Variants in AKR1C2 observed in about 807,000 individuals in gnomAD.
AKR1C2 encodes the protein aldo-keto reductase family 1 member C2.
A neutral mutation model predicts 39.8 loss-of-function variants in AKR1C2; 27 were observed. The ratio of observed to expected loss-of-function variants is 0.68; its 90% CI spans 0.50 to 0.93. The LOEUF (loss-of-function observed/expected upper bound fraction) is 0.93, where lower values mean the gene tolerates loss of function less well. AKR1C2 is among the 40% of genes least tolerant of loss of function. AKR1C2 has a pLI of 0.00. For synonymous variants in AKR1C2, 114 were observed against 137.9 expected, an observed-to-expected ratio of 0.83 and a Z score of 1.22; for missense variants, 263 against 365.1, an observed-to-expected ratio of 0.72 and a Z score of 2.28.
chr10:5,006,841 C>T (rs1464225054), upstream of AKR1C2, among the ~76,000 whole-genome samples: 1 of 150,656 alleles, frequency 6.6e-6, no homozygotes, highest in Non-Finnish European at 1.5e-5. Context: ...AGTGGTACAT[C>T]TCAGCTCACT....
upstream of AKR1C2, chr10:5,004,917 T>G (rs1837367771): frequency 6.8e-6 from 1 of 146,100 alleles, no homozygotes; most frequent in Non-Finnish European, 1.5e-5. Context: ...TATAAAGATA[T>G]TGAAATTTTT....
upstream of AKR1C2, among the ~76,000 whole-genome samples, chr10:5,008,931 A>G (rs147634490): frequency 3.1e-3 from 470 of 152,336 alleles, 1 homozygote; most frequent in African/African-American, 0.011. Flanking sequence ...TTCTATGTGA[A>G]CAAAAAGGGG....
At chr10:4,997,107 A>G (rs1837078763) in intron 5 of AKR1C2, 1 of 152,200 alleles carries the variant, frequency 6.6e-6, no homozygotes, top group Non-Finnish European at 1.5e-5. Context: ...CTTCACCACT[A>G]GTGGGGCATT....
chr10:4,990,458 T>A (rs1362710612), intron 8 of AKR1C2, among the ~76,000 whole-genome samples: 1 of 152,266 alleles, frequency 6.6e-6, no homozygotes, highest in Non-Finnish European at 1.5e-5. Context: ...TTGAGTGTGA[T>A]AATTATACTG....
chr10:5,010,525 C>T (rs1837498009), intron 1 of AKR1C2: 1 of 152,054 alleles, frequency 6.6e-6, no homozygotes, highest in South Asian at 2.1e-4. Context: ...GGACAAGAGC[C>T]ACTTGAAGAA....
At chr10:5,006,446 A>G (rs1377143401), upstream of AKR1C2, 18 of 152,292 alleles carry the variant, frequency 1.2e-4, no homozygotes, top group African/African-American at 4.3e-4. Flanking sequence ...TACTAAAAAT[A>G]GAAAAAATTA....
intron 5 of AKR1C2, among the ~76,000 whole-genome samples, chr10:4,996,348 A>C (rs184937102): frequency 6.6e-6 from 1 of 151,658 alleles, no homozygotes; most frequent in Non-Finnish European, 1.5e-5. Flanking sequence ...ATATAGATGA[A>C]CTAGAAAATA....
At chr10:5,012,631 A>G (rs115770584) in intron 1 of AKR1C2, among the ~76,000 whole-genome samples, 9,384 of 152,040 alleles carry the variant, frequency 0.062, 440 homozygotes, top group African/African-American at 0.13. Context: ...CCCTCAAGAA[A>G]AAATACAACC....
At position 4,989,757 on chromosome 10, in the gene AKR1C2, G is replaced by T. The variant is rs1554771913; in HGVS notation, c.*239C>A. On this transcript the variant is annotated 3_prime_UTR_variant, in exon 9 of 9. Coordinates refer to ENST00000380753, the MANE Select transcript of AKR1C2 (RefSeq NM_001393392.1). ...TGTCAGAAGGAGAGAAAACATAGAA[G>T]TTATGGAGACCAAAGTAGGTGAAGA... is the stretch of plus-strand genomic sequence containing the variant. The T allele has an allele frequency of 1.7e-6, 1 of 585,196 alleles. No homozygotes were observed. The highest frequency in any genetic ancestry group is 3.3e-5 in the East Asian group (1 of 30,434). 36.3% of individuals were successfully genotyped at this position (585,196 alleles called of 1,614,324 possible).
Position 4,997,970 on chromosome 10 carries a change from G to A in AKR1C2, c.570+655C>T, listed in dbSNP as rs553031077. Among the ~76,000 whole-genome samples the A allele has an allele frequency of 8.6e-5, 13 of 151,942 alleles. No homozygotes were observed. In the South Asian group the frequency reaches 2.1e-3, roughly 24 times the overall value. On this transcript the variant is annotated intron_variant, in intron 5 of 8. Coordinates refer to ENST00000380753, the MANE Select transcript of AKR1C2 (RefSeq NM_001393392.1). ...GCATGACAGACTCCAAAAAGCAGCC[G>A]ACTAGGAGCGGGGCAGTCATAGGTC...
intron 8 of AKR1C2, among the ~76,000 whole-genome samples, chr10:4,991,329 G>T (rs1359412394): frequency 6.6e-6 from 1 of 152,002 alleles, no homozygotes; most frequent in Non-Finnish European, 1.5e-5. Context: ...GGTTTGAAAT[G>T]ATTAAAAATG....
intron 8 of AKR1C2, among the ~76,000 whole-genome samples, chr10:4,990,704 T>C (rs1289059762): frequency 1.3e-5 from 2 of 152,052 alleles, no homozygotes; most frequent in Admixed American, 6.6e-5. Flanking sequence ...ATTGAGCCTA[T>C]CCTTTGTGAT....
At position 4,988,412 on chromosome 10, in the gene AKR1C2, G is replaced by A. The variant is rs185209880; in HGVS notation, c.*1584C>T. The A allele has an allele frequency of 1.2e-3, 156 of 135,422 alleles. No individual in the cohort carries two copies. The highest frequency in any genetic ancestry group is 3.9e-3 in the African/African-American group (151 of 38,506). The allele number at this position is 135,422 out of a possible 1,614,324, so 8.4% of individuals were successfully genotyped here. A position where few individuals can be genotyped will look rare whatever the true frequency, so the allele number is the denominator to read the frequency against. ...TTCCATTGAAGATTTGGAGGAAAAC[G>A]CTGAGCTAGAAATATTTTTTGGTGG... is the stretch of plus-strand genomic sequence containing the variant. On this transcript the variant is annotated 3_prime_UTR_variant, in exon 9 of 9. Transcript: ENST00000380753.
Position 4,999,454 on chromosome 10 carries a change from A to T in AKR1C2, c.370-177T>A. 2.1e-6 allele frequency: 3 copies of T among 1,415,286 alleles called. No individual in the cohort carries two copies. The South Asian group carries it at 4.2e-5, about 20-fold the overall frequency. The allele number at this position is 1,415,286 out of a possible 1,614,324, so 87.7% of individuals were successfully genotyped here. ...GGTATAAGGAATGTCTTCAGGTGACAGGCTTCCTCTAATCTCTTACACCTA... is the reference window on the plus strand; with the variant it reads ...GGTATAAGGAATGTCTTCAGGTGACTGGCTTCCTCTAATCTCTTACACCTA... On this transcript the variant is annotated intron_variant, in intron 3 of 8. Transcript: ENST00000380753.
chr10:4,998,735 A>G lies in AKR1C2; in HGVS notation c.460T>C (p.Cys154Arg). ...LCATWEAMEK[C>R]KDAGLAKSIG... Reference sequence around the variant, plus strand: ...GACTTGGCCAATCCTGCATCTTTACACTTCTCCATGGCCTGGGAAAAAGGA... The same window carrying G: ...GACTTGGCCAATCCTGCATCTTTACGCTTCTCCATGGCCTGGGAAAAAGGA... The change falls in exon 5 of 9, where the codon TGT (cysteine) becomes CGT (arginine). Residue 154 changes from cysteine (C) to arginine (R), a missense_variant. Cys to Arg is a radical substitution (Grantham distance 180, BLOSUM62 -3). Transcript: ENST00000380753. The G allele has an allele frequency of 6.2e-7, 1 of 1,614,090 alleles. No individual in the cohort carries two copies. Among genetic ancestry groups the G allele is most frequent in the Admixed American group, 1.7e-5 (1 of 60,018 alleles).
At chr10:5,012,972 C>T (rs1837553544) in intron 1 of AKR1C2, among the ~76,000 whole-genome samples, 1 of 152,322 alleles carries the variant, frequency 6.6e-6, no homozygotes, top group South Asian at 2.1e-4. Flanking sequence ...ATACCTTCTA[C>T]ACTTCTGTAT....
intron 1 of AKR1C2, among the ~76,000 whole-genome samples, chr10:5,015,431 A>G (rs1554775277): frequency 2.0e-5 from 3 of 152,208 alleles, no homozygotes; most frequent in Non-Finnish European, 2.9e-5. Context: ...GGATGTCCCC[A>G]GGGGCTTATA....
chr10:5,010,949 C>G (rs1468624930), intron 1 of AKR1C2, among the ~76,000 whole-genome samples: 1 of 148,916 alleles, frequency 6.7e-6, no homozygotes, highest in Non-Finnish European at 1.5e-5. Flanking sequence ...TAGGTCTCAG[C>G]AAGGAACTCA....
At chr10:4,996,639 A>G (rs76906176) in intron 5 of AKR1C2, among the ~76,000 whole-genome samples, 7,950 of 149,666 alleles carry the variant, frequency 0.053, 272 homozygotes, top group Non-Finnish European at 0.074. Flanking sequence ...GTCTGTAGCA[A>G]TTAGTGCGAC....
Sources: allele counts gnomAD v4.1 joint callset (sites outside exome capture counted in the v4.1 genomes callset), GRCh38; gene constraint gnomAD v4.1.1; transcripts MANE v1.5; gene names NCBI Gene and HGNC (gene_info 2026-07-23, HGNC 2026-07-21).